The following TMEM117 variants were observed in gnomAD, a reference collection of about 807,000 sequenced individuals.
TMEM117 encodes transmembrane protein 117.
Under a neutral mutation model 52.4 loss-of-function variants are expected in TMEM117, and 27 were observed. The ratio of observed to expected loss-of-function variants is 0.51; its 90% confidence interval spans 0.38 to 0.71. The LOEUF (loss-of-function observed/expected upper bound fraction) is 0.71, where lower values mean the gene tolerates loss of function less well. TMEM117 is among the 30% of genes least tolerant of loss of function. The pLI is 0.00. For synonymous variants in TMEM117, 215 were observed against 206.3 expected (o/e 1.04, Z -0.36); for missense variants, 556 against 630.5 (o/e 0.88, Z 1.26).
intron 6 of TMEM117, among the ~76,000 whole-genome samples, chr12:44,322,031 T>G (rs1951137314): frequency 6.6e-6 from 1 of 152,234 alleles, no homozygotes; most frequent in Middle Eastern, 3.4e-3. Flanking sequence ...AACTGGAAAA[T>G]TCTCTAGCCA....
At chr12:44,129,626 T>G (rs1260535069) in intron 3 of TMEM117, among the ~76,000 whole-genome samples, 1 of 152,174 alleles carries the variant, frequency 6.6e-6, no homozygotes, top group Non-Finnish European at 1.5e-5. Flanking sequence ...ATATAAATTT[T>G]TATGGGTCTT....
intron 2 of TMEM117, among the ~76,000 whole-genome samples, chr12:43,922,269 C>G (rs1944707672): frequency 6.6e-6 from 1 of 152,076 alleles, no homozygotes; most frequent in Non-Finnish European, 1.5e-5. Flanking sequence ...AGGGATATAA[C>G]ATTAGAAATT....
chr12:44,278,256 T>G (rs1950539203), intron 5 of TMEM117, among the ~76,000 whole-genome samples: 2 of 152,136 alleles, frequency 1.3e-5, no homozygotes, highest in African/African-American at 4.8e-5. Context: ...TAAAAAGAGA[T>G]TACACGAGAG....
the TMEM117 span, among the ~76,000 whole-genome samples, chr12:43,814,097 A>G: frequency 3.9e-5 from 6 of 152,246 alleles, no homozygotes; most frequent in Non-Finnish European, 7.4e-5. Flanking sequence ...CTGGAACAGG[A>G]ATATGTTTGA....
intron 6 of TMEM117, among the ~76,000 whole-genome samples, chr12:44,346,914 C>T (rs1951495095): frequency 6.6e-6 from 1 of 152,060 alleles, no homozygotes; most frequent in Admixed American, 6.6e-5. Flanking sequence ...TAATGCTCTT[C>T]TGAGGGATGC....
Position 44,011,594 on chromosome 12 carries a change from A to T in TMEM117, c.410+67252A>T, listed in dbSNP as rs975249965. On this transcript the variant is annotated intron_variant, in intron 3 of 7. Coordinates refer to ENST00000266534, the MANE Select transcript of TMEM117 (RefSeq NM_032256.3). Reference sequence around the variant, plus strand: ...TGTAACTTAATTAAACCTCTTTTTCATCCTAGTCTTGAGTATGCCTTTATC... The same window carrying T: ...TGTAACTTAATTAAACCTCTTTTTCTTCCTAGTCTTGAGTATGCCTTTATC... Among the ~76,000 whole-genome samples, 3 of 152,050 alleles carry T rather than the reference A, an allele frequency of 2.0e-5. No homozygotes were observed. In the South Asian group the frequency reaches 6.2e-4, roughly 32 times the overall value.
the TMEM117 span, among the ~76,000 whole-genome samples, chr12:44,395,589 A>T: frequency 6.6e-6 from 1 of 152,232 alleles, no homozygotes; most frequent in Non-Finnish European, 1.5e-5. Flanking sequence ...GCTTAACACA[A>T]TAAAAATCAA....
the TMEM117 span, chr12:43,806,029 G>A: frequency 6.6e-7 from 1 of 1,521,206 alleles, no homozygotes; most frequent in Admixed American, 2.0e-5. Flanking sequence ...GCAGGGACCG[G>A]GCTGGAGGAG....
intron 2 of TMEM117, among the ~76,000 whole-genome samples, chr12:43,877,771 A>G (rs1943825743): frequency 6.6e-6 from 1 of 152,200 alleles, no homozygotes; most frequent in South Asian, 2.1e-4. Context: ...TTCATGTTAC[A>G]TAATATTATG....
At chr12:44,146,225 T>C (rs1383289608) in intron 4 of TMEM117, among the ~76,000 whole-genome samples, 1 of 152,166 alleles carries the variant, frequency 6.6e-6, no homozygotes, top group Non-Finnish European at 1.5e-5. Context: ...CAGCCTGTGA[T>C]CTTTGTCTCC....
At chr12:44,221,741 C>G (rs948075129) in intron 5 of TMEM117, among the ~76,000 whole-genome samples, 1 of 151,784 alleles carries the variant, frequency 6.6e-6, no homozygotes, top group African/African-American at 2.4e-5. Context: ...CTCTGTCAAC[C>G]AGGCTGGAGT....
chr12:44,064,548 G>T (rs1565813214), intron 3 of TMEM117, among the ~76,000 whole-genome samples: 1 of 152,076 alleles, frequency 6.6e-6, no homozygotes, highest in African/African-American at 2.4e-5. Flanking sequence ...AGCTTTGTTA[G>T]TCAAGACTTC....
chr12:44,252,964 C>A (rs1036140304), intron 5 of TMEM117, among the ~76,000 whole-genome samples: 2 of 150,676 alleles, frequency 1.3e-5, no homozygotes, highest in African/African-American at 4.9e-5. Flanking sequence ...AAGAAGAGGT[C>A]GGAAAAAGAG....
chr12:44,212,568 C>A (rs1949661203), intron 5 of TMEM117, among the ~76,000 whole-genome samples: 1 of 152,070 alleles, frequency 6.6e-6, no homozygotes, highest in South Asian at 2.1e-4. Flanking sequence ...AATGGATCTT[C>A]TGTCCCTGCA....
chr12:44,280,886 A>G (rs1476027257), intron 5 of TMEM117, among the ~76,000 whole-genome samples: 6 of 152,214 alleles, frequency 3.9e-5, no homozygotes, highest in African/African-American at 1.4e-4. Flanking sequence ...TTACCAAACA[A>G]GGTTGATGAT....
At chr12:43,840,430 G>C (rs538565861) in intron 1 of TMEM117, among the ~76,000 whole-genome samples, 1 of 152,336 alleles carries the variant, frequency 6.6e-6, no homozygotes, top group African/African-American at 2.4e-5. Flanking sequence ...GCTGAAATGA[G>C]AGGGAGTTGA....
intron 3 of TMEM117, among the ~76,000 whole-genome samples, chr12:43,979,377 A>G (rs1463973890): frequency 1.3e-5 from 2 of 152,104 alleles, no homozygotes; most frequent in East Asian, 1.9e-4. Flanking sequence ...TAATCTTGCA[A>G]TTAGGAAATT....
intron 4 of TMEM117, among the ~76,000 whole-genome samples, chr12:44,154,019 T>C (rs1302817179): frequency 6.6e-6 from 1 of 152,084 alleles, no homozygotes; most frequent in Non-Finnish European, 1.5e-5. Context: ...GAAAGCTGAT[T>C]AGGAAATAAA....
intron 3 of TMEM117, among the ~76,000 whole-genome samples, chr12:44,124,199 C>T (rs1168975559): frequency 6.6e-6 from 1 of 152,072 alleles, no homozygotes; most frequent in Non-Finnish European, 1.5e-5. Context: ...ATTCAGCTTT[C>T]CACTACCATG....
Sources: allele counts gnomAD v4.1 joint callset (sites outside exome capture counted in the v4.1 genomes callset), GRCh38; gene constraint gnomAD v4.1.1; transcripts MANE v1.5; gene names NCBI Gene and HGNC (gene_info 2026-07-23, HGNC 2026-07-21).